The following DNAH8 variants were observed in gnomAD, a reference collection of about 807,000 sequenced individuals.
DNAH8 encodes dynein axonemal heavy chain 8.
A neutral mutation model predicts 562.1 loss-of-function variants in DNAH8; 382 were observed. The observed-to-expected ratio is 0.68, with a 90% CI of 0.63 to 0.74. DNAH8 has a LOEUF of 0.74. Ranked by LOEUF, DNAH8 falls within the 30% of genes least tolerant of loss-of-function variation. The pLI is 0.00. For missense variants in DNAH8, 5,203 were observed against 5,620.4 expected (o/e 0.93, Z 2.37); for synonymous variants, 1,881 against 1,919.4 (o/e 0.98, Z 0.52).
rs1035946122 is a variant in DNAH8, at chr6:39,030,512, A to G, written c.*120A>G. On this transcript the variant is annotated 3_prime_UTR_variant, in exon 93 of 93. Transcript: ENST00000327475. ...TCCTTAATTACTCTTTCTACATTAAAAAGTTGATGTTCTAAAATTGCTAGT... is the reference window on the plus strand; with the variant it reads ...TCCTTAATTACTCTTTCTACATTAAGAAGTTGATGTTCTAAAATTGCTAGT... The G allele has an allele frequency of 7.9e-6, 7 of 885,006 alleles. No individual in the cohort carries two copies. The highest frequency in any genetic ancestry group is 3.3e-4 in the Middle Eastern group (1 of 3,010). 54.8% of individuals were successfully genotyped at this position (885,006 alleles called of 1,614,324 possible). A position where few individuals can be genotyped will look rare whatever the true frequency, so the allele number is the denominator to read the frequency against.
chr6:38,862,471 T>A lies in DNAH8; in HGVS notation c.6310+13T>A, dbSNP rs1448221345. On this transcript the variant is annotated intron_variant, in intron 44 of 92. Coordinates refer to ENST00000327475, the MANE Select transcript of DNAH8 (RefSeq NM_001206927.2). Reference sequence around the variant, plus strand: ...AGGATTTTCAAAGGCAAGTGTCAAATAATGTAGATTATTTTAGGTGAATTT... The same window carrying A: ...AGGATTTTCAAAGGCAAGTGTCAAAAAATGTAGATTATTTTAGGTGAATTT... The A allele has an allele frequency of 6.3e-7, 1 of 1,590,326 alleles. No homozygotes were observed.
intron 11 of DNAH8, among the ~76,000 whole-genome samples, chr6:38,765,504 T>G (rs1738176): frequency 0.22 from 33,779 of 152,104 alleles, 4,197 homozygotes; most frequent in East Asian, 0.46. Flanking sequence ...ATTTTATTGT[T>G]TTGCATGTGG....
chr6:38,891,350 A>G (rs891171663), intron 58 of DNAH8, among the ~76,000 whole-genome samples: 1 of 152,244 alleles, frequency 6.6e-6, no homozygotes, highest in Non-Finnish European at 1.5e-5. Context: ...AAGTGTAGGT[A>G]TGAGATAAAA....
At chr6:38,834,938 G>A (rs1440225123) in intron 32 of DNAH8, among the ~76,000 whole-genome samples, 2 of 152,120 alleles carry the variant, frequency 1.3e-5, no homozygotes, top group Non-Finnish European at 2.9e-5. Context: ...TCATAGTATA[G>A]TAAAATTTAT....
intron 88 of DNAH8, among the ~76,000 whole-genome samples, chr6:39,000,306 A>G (rs1765404810): frequency 6.6e-6 from 1 of 152,188 alleles, no homozygotes; most frequent in Admixed American, 6.5e-5. Flanking sequence ...TGGAGGAGCA[A>G]TCAATTCCAA....
At chr6:38,959,499 A>C (rs1175751560) in intron 82 of DNAH8, among the ~76,000 whole-genome samples, 4 of 152,154 alleles carry the variant, frequency 2.6e-5, no homozygotes, top group African/African-American at 9.6e-5. Context: ...AAAGAAATTT[A>C]AAAAGCAATC....
chr6:38,728,692 T>G (rs941680879), intron 3 of DNAH8, among the ~76,000 whole-genome samples: 1 of 152,156 alleles, frequency 6.6e-6, no homozygotes, highest in African/African-American at 2.4e-5. Flanking sequence ...ACGCACATCT[T>G]GGTGGCTCTG....
At chr6:39,001,368 G>A (rs1486736072) in intron 88 of DNAH8, among the ~76,000 whole-genome samples, 3 of 151,970 alleles carry the variant, frequency 2.0e-5, no homozygotes, top group African/African-American at 7.2e-5. Context: ...TGTACAGAAT[G>A]ACAAGTACAA....
In DNAH8 at chr6:38,868,047, C is replaced by A; in HGVS notation, c.6694-15C>A. 6.2e-7 allele frequency: 1 copy of A among 1,603,974 alleles called. No individual in the cohort carries two copies. Among genetic ancestry groups the A allele is most frequent in the South Asian group, 1.1e-5 (1 of 88,664 alleles). ...TTCAATTAAACCATCTTTTTGCCCT[C>A]TTCTCCCATCTCAGGTTCATTATGA... On this transcript the variant is annotated splice_polypyrimidine_tract_variant and intron_variant, in intron 47 of 92. Transcript: ENST00000327475.
chr6:38,831,429 T>TAAAAAAAA (rs1773821842), intron 30 of DNAH8, among the ~76,000 whole-genome samples: 1 of 35,856 alleles, frequency 2.8e-5, no homozygotes. Flanking sequence ...AGACACCATC[T>TAAAAAAAA]CAAAAAAAAA....
intron 17 of DNAH8, among the ~76,000 whole-genome samples, chr6:38,785,123 A>G (rs1248199281): frequency 6.6e-6 from 1 of 152,238 alleles, no homozygotes; most frequent in Non-Finnish European, 1.5e-5. Flanking sequence ...AATATGAAGT[A>G]GAATTCTTTC....
At chr6:38,996,827 C>T (rs2150743455) in intron 88 of DNAH8, among the ~76,000 whole-genome samples, 1 of 152,322 alleles carries the variant, frequency 6.6e-6, no homozygotes, top group East Asian at 1.9e-4. Context: ...TCTCTCTTCA[C>T]AGCTTTGTCC....
intron 36 of DNAH8, among the ~76,000 whole-genome samples, chr6:38,848,007 C>G (rs909860675): frequency 1.3e-5 from 2 of 152,148 alleles, no homozygotes; most frequent in Non-Finnish European, 2.9e-5. Flanking sequence ...GTGTAATTCT[C>G]TCTCTGTGGG....
intron 24 of DNAH8, among the ~76,000 whole-genome samples, chr6:38,811,911 G>T (rs1055367015): frequency 2.0e-5 from 3 of 152,112 alleles, no homozygotes; most frequent in Non-Finnish European, 4.4e-5. Context: ...GAGAGATACT[G>T]GGGGTATGGC....
At chr6:39,009,020 A>G (rs1261833619) in intron 89 of DNAH8, 50 bp downstream of exon 89, 2 of 1,355,854 alleles carry the variant, frequency 1.5e-6, no homozygotes, top group Admixed American at 4.0e-5. Flanking sequence ...TGTATATTTA[A>G]ACAGTAAGTT....
intron 23 of DNAH8, among the ~76,000 whole-genome samples, chr6:38,806,007 G>A (rs1397511696): frequency 6.6e-6 from 1 of 152,174 alleles, no homozygotes; most frequent in Admixed American, 6.5e-5. Context: ...TTTTAAACTA[G>A]CATTATGGAT....
chr6:38,797,711 A>G (rs1177102936), intron 21 of DNAH8, among the ~76,000 whole-genome samples: 2 of 152,112 alleles, frequency 1.3e-5, no homozygotes, highest in South Asian at 4.1e-4. Flanking sequence ...AGACATGTTA[A>G]TTGTCTTTGT....
At chr6:38,881,188 G>A (rs1277018019) in intron 53 of DNAH8, among the ~76,000 whole-genome samples, 1 of 152,144 alleles carries the variant, frequency 6.6e-6, no homozygotes, top group African/African-American at 2.4e-5. Flanking sequence ...AAATAGTTTG[G>A]CAGTGTTTTA....
intron 3 of DNAH8, among the ~76,000 whole-genome samples, chr6:38,727,157 CTGGAAAAGTAT>C (rs1763296157): frequency 6.6e-6 from 1 of 152,074 alleles, no homozygotes. Context: ...CGTGCTGGGC[CTGGAAAAGTAT>C]TCTTTTAATG....
Sources: gnomAD v4.1 joint callset for allele counts (sites outside exome capture counted in the v4.1 genomes callset) on GRCh38, gnomAD v4.1.1 for gene constraint, MANE v1.5 for transcripts, NCBI Gene and HGNC (gene_info 2026-07-23, HGNC 2026-07-21) for gene names.